FGF14: variants seen among roughly 807,000 people sequenced by gnomAD.
FGF14 encodes fibroblast growth factor homologous factor 4.
Under a neutral mutation model 25.5 loss-of-function variants are expected in FGF14, and 5 were observed. The observed-to-expected ratio is 0.20, with a 90% confidence interval of 0.10 to 0.41. FGF14 has a LOEUF of 0.41. Ranked by LOEUF, FGF14 falls within the 10% of genes least tolerant of loss-of-function variation. FGF14 has a pLI of 1.00. For missense variants in FGF14, 222 were observed against 320.1 expected, an observed-to-expected ratio of 0.69 and a Z score of 2.34; for synonymous variants, 138 against 118.3, an observed-to-expected ratio of 1.17 and a Z score of -1.08.
intron 1 of FGF14, chr13:102,292,305 A>AAAAAC (rs199609949): frequency 3.1e-5 from 4 of 130,670 alleles, no homozygotes; most frequent in South Asian, 2.5e-4. Flanking sequence ...AAAAAAAAAA[A>AAAAAC]CTGACAATTT....
At chr13:101,750,290 A>C (rs964581937) in intron 3 of FGF14, among the ~76,000 whole-genome samples, 2 of 152,124 alleles carry the variant, frequency 1.3e-5, no homozygotes, top group Non-Finnish European at 2.9e-5. Context: ...ATCCCAGCAT[A>C]TAACTGCCAG....
At chr13:101,765,851 C>T (rs1295646384) in intron 3 of FGF14, among the ~76,000 whole-genome samples, 1 of 152,102 alleles carries the variant, frequency 6.6e-6, no homozygotes, top group African/African-American at 2.4e-5. Flanking sequence ...CCCTCAGCCT[C>T]CTGAGTAGCT....
intron 1 of FGF14, among the ~76,000 whole-genome samples, chr13:102,175,498 G>C (rs113349714): frequency 1.3e-5 from 2 of 152,082 alleles, no homozygotes; most frequent in African/African-American, 4.8e-5. Flanking sequence ...ATGAAACCTA[G>C]GAAAAACTCT....
chr13:102,358,158 C>T (rs2057468615), intron 1 of FGF14, among the ~76,000 whole-genome samples: 1 of 151,590 alleles, frequency 6.6e-6, no homozygotes, highest in Admixed American at 6.6e-5. Flanking sequence ...TTTTTTAAAC[C>T]CTTGGTGTCC....
At chr13:102,222,073 C>G (rs559728007) in intron 1 of FGF14, among the ~76,000 whole-genome samples, 1 of 152,260 alleles carries the variant, frequency 6.6e-6, no homozygotes, top group African/African-American at 2.4e-5. Flanking sequence ...CCAAATCCTC[C>G]TTACCCCATA....
intron 1 of FGF14, among the ~76,000 whole-genome samples, chr13:101,994,368 C>A (rs1286269909): frequency 6.6e-6 from 1 of 151,948 alleles, no homozygotes. Flanking sequence ...CAGCAAAGGT[C>A]TTGATAAAAA....
intron 1 of FGF14, among the ~76,000 whole-genome samples, chr13:102,391,822 G>T (rs1316692008): frequency 6.6e-6 from 1 of 152,184 alleles, no homozygotes; most frequent in Non-Finnish European, 1.5e-5. Context: ...GTAGAAAACT[G>T]ACTCAGTTCT....
At chr13:102,179,984 A>T (rs903019746) in intron 1 of FGF14, among the ~76,000 whole-genome samples, 1 of 152,080 alleles carries the variant, frequency 6.6e-6, no homozygotes, top group African/African-American at 2.4e-5. Flanking sequence ...CTACCAAACC[A>T]CTTAACCATC....
At position 101,929,130 on chromosome 13, in the gene FGF14, G is replaced by A. The variant is rs542560280; in HGVS notation, c.209-53834C>T. Among the ~76,000 whole-genome samples the A allele has an allele frequency of 5.3e-5, 8 of 152,308 alleles. No homozygotes were observed. The South Asian group carries it at 1.7e-3, about 32-fold the overall frequency. On this transcript the variant is annotated intron_variant, in intron 1 of 4. Coordinates refer to the FGF14 transcript ENST00000376131. Reference sequence around the variant, plus strand: ...CCGGCATTCAGGCATCTCCCCTTGAGTGGCTCAGAATATAGCGGGGAAGAT... The same window carrying A: ...CCGGCATTCAGGCATCTCCCCTTGAATGGCTCAGAATATAGCGGGGAAGAT...
intron 1 of FGF14, among the ~76,000 whole-genome samples, chr13:102,135,552 T>C (rs887723873): frequency 1.3e-5 from 2 of 152,246 alleles, no homozygotes; most frequent in Non-Finnish European, 2.9e-5. Flanking sequence ...AATGATAAGA[T>C]ACTAGGACTT....
chr13:102,102,198 A>G (rs1173002163), intron 1 of FGF14, among the ~76,000 whole-genome samples: 1 of 152,226 alleles, frequency 6.6e-6, no homozygotes, highest in Non-Finnish European at 1.5e-5. Flanking sequence ...AAACCATTTT[A>G]AGAGAGCTCT....
chr13:102,288,446 T>A (rs76336745), intron 1 of FGF14, among the ~76,000 whole-genome samples: 2,099 of 152,250 alleles, frequency 0.014, 34 homozygotes, highest in African/African-American at 0.048. Flanking sequence ...AAAATATTAT[T>A]CCCATAAATT....
At position 101,715,875 on chromosome 13, in the gene FGF14, A is replaced by T. The variant is rs918505356; in HGVS notation, c.*6956T>A. 8 of 439,756 alleles carry T rather than the reference A, an allele frequency of 1.8e-5. No homozygotes were observed. In the Admixed American group the frequency reaches 2.7e-4, roughly 15 times the overall value. 27.2% of individuals were successfully genotyped at this position (439,756 alleles called of 1,614,324 possible). Reference sequence around the variant, plus strand: ...AAAAAAAGATTCTTCCATAATTAACATAAGTGGTTCCTAACGAGAGCAATT... The same window carrying T: ...AAAAAAAGATTCTTCCATAATTAACTTAAGTGGTTCCTAACGAGAGCAATT... On this transcript the variant is annotated 3_prime_UTR_variant, in exon 5 of 5. Coordinates refer to ENST00000376143, the MANE Select transcript of FGF14 (RefSeq NM_004115.4).
At position 101,772,133 on chromosome 13, in the gene FGF14, T is replaced by C. The variant is rs2038816564; in HGVS notation, c.409-45323A>G. Among the ~76,000 whole-genome samples the C allele has an allele frequency of 2.0e-5, 3 of 152,074 alleles. No individual in the cohort carries two copies. In the South Asian group the frequency reaches 6.2e-4, roughly 31 times the overall value. ...AGAAAATTTGGCTATAGTTATGTTATGTCACATATACATTATGTGACAATG... is the reference window on the plus strand; with the variant it reads ...AGAAAATTTGGCTATAGTTATGTTACGTCACATATACATTATGTGACAATG... On this transcript the variant is annotated intron_variant, in intron 3 of 4. Transcript: ENST00000376143.
chr13:102,103,356 T>A (rs1389941570), intron 1 of FGF14, among the ~76,000 whole-genome samples: 1 of 151,908 alleles, frequency 6.6e-6, no homozygotes, highest in East Asian at 1.9e-4. Flanking sequence ...AAAAAACTTA[T>A]CTTAAGATAC....
chr13:102,042,039 T>C (rs1286551683), intron 1 of FGF14, among the ~76,000 whole-genome samples: 1 of 152,180 alleles, frequency 6.6e-6, no homozygotes, highest in African/African-American at 2.4e-5. Context: ...CAAACGAACA[T>C]ACTCAAAGAA....
At chr13:102,256,734 G>A (rs1288455441) in intron 1 of FGF14, among the ~76,000 whole-genome samples, 2 of 152,138 alleles carry the variant, frequency 1.3e-5, no homozygotes, top group African/African-American at 4.8e-5. Context: ...TAGAACATAA[G>A]GGAAGCTTAA....
intron 1 of FGF14, among the ~76,000 whole-genome samples, chr13:102,396,932 C>G (rs1026828637): frequency 6.6e-6 from 1 of 152,202 alleles, no homozygotes; most frequent in Admixed American, 6.5e-5. Context: ...GAGTCTAAGG[C>G]CAACTAATAC....
chr13:101,872,265 T>G (rs1434697410), intron 2 of FGF14, among the ~76,000 whole-genome samples: 2 of 151,400 alleles, frequency 1.3e-5, no homozygotes, highest in African/African-American at 4.8e-5. Flanking sequence ...AATGGAAACA[T>G]GTTTATGAAT....
Sources: gnomAD v4.1 joint callset for allele counts (sites outside exome capture counted in the v4.1 genomes callset) on GRCh38, gnomAD v4.1.1 for gene constraint, MANE v1.5 for transcripts, NCBI Gene and HGNC (gene_info 2026-07-23, HGNC 2026-07-21) for gene names.